The following CCDC3 variants were observed in gnomAD, a reference collection of about 807,000 sequenced individuals.
CCDC3 encodes coiled-coil domain containing 3.
In CCDC3, 24 loss-of-function variants were observed where a neutral mutation model predicts 21.4. That is an observed-to-expected ratio of 1.12 (90% CI 0.81 to 1.58). CCDC3 has a LOEUF of 1.58. Ranked by LOEUF, CCDC3 falls within the 40% of genes most tolerant of loss-of-function variation. The probability of loss-of-function intolerance (pLI) is 0.00; values close to 1 mark genes in which losing one functional copy is unlikely to be tolerated. For missense variants in CCDC3, 425 were observed against 360.9 expected (o/e 1.18, Z -1.44); for synonymous variants, 186 against 166.0 (o/e 1.12, Z -0.93).
chr10:13,073,667 T>C (rs1230987030), intron 4 of CCDC3, among the ~76,000 whole-genome samples: 2 of 152,086 alleles, frequency 1.3e-5, no homozygotes, highest in African/African-American at 4.8e-5. Context: ...GCTAATTTTT[T>C]GTAGAGACAG....
At chr10:12,921,707 G>A (rs1414596235) in intron 2 of CCDC3, among the ~76,000 whole-genome samples, 4 of 152,190 alleles carry the variant, frequency 2.6e-5, no homozygotes, top group Admixed American at 1.3e-4. Context: ...GTAGTTAACT[G>A]CATAGACCAT....
At chr10:12,924,085 CT>C (rs1356108728) in intron 2 of CCDC3, among the ~76,000 whole-genome samples, 1 of 152,240 alleles carries the variant, frequency 6.6e-6, no homozygotes, top group Non-Finnish European at 1.5e-5. Context: ...GCCTCAGTTT[CT>C]GCTTTAAGCA....
At chr10:13,090,040 T>G (rs1359515816) in intron 3 of CCDC3, among the ~76,000 whole-genome samples, 391 of 1,848 alleles carry the variant, frequency 0.21, 3 homozygotes, top group African/African-American at 0.23. Flanking sequence ...GTTAGATATA[T>G]ATATATATAT....
intron 2 of CCDC3, among the ~76,000 whole-genome samples, chr10:12,989,051 C>A (rs1835641673): frequency 6.6e-6 from 1 of 152,192 alleles, no homozygotes; most frequent in Non-Finnish European, 1.5e-5. Flanking sequence ...CAGATCGAGC[C>A]CCCTCAATCC....
At chr10:13,053,648 A>C (rs1400941070) in intron 4 of CCDC3, among the ~76,000 whole-genome samples, 1 of 152,206 alleles carries the variant, frequency 6.6e-6, no homozygotes, top group East Asian at 1.9e-4. Context: ...CAGTTCTTCA[A>C]GTGAGGAATG....
At position 13,044,743 on chromosome 10, in the gene CCDC3, T is replaced by G. The variant is rs186813250; in HGVS notation, c.-2+4931A>C. On this transcript the variant is annotated intron_variant, in intron 5 of 6. Transcript: ENST00000378839. ...ACCAGTACTATGCAGCTTTATATTA[T>G]AGTTTGAAGTCTAATAATGTGATGT... Among the ~76,000 whole-genome samples the G allele has an allele frequency of 1.4e-4, 21 of 152,332 alleles. No individual in the cohort carries two copies. In the South Asian group the frequency reaches 4.4e-3, roughly 32 times the overall value.
At chr10:13,099,385 CCTCTCTCCCTCTCTCCGTCCCTCCCT>C (rs1383296141) in intron 1 of CCDC3, 1 of 144,682 alleles carries the variant, frequency 6.9e-6, no homozygotes. Flanking sequence ...TCTCTCCCTC[CCTCTCTCCCTCTCTCCGTCCCTCCCT>C]CTCTCTCTCT....
intron 3 of CCDC3, among the ~76,000 whole-genome samples, chr10:13,076,518 G>A (rs1448951571): frequency 6.6e-6 from 1 of 152,218 alleles, no homozygotes; most frequent in East Asian, 1.9e-4. Context: ...TAAATCATAA[G>A]TGTTAGAAGT....
At chr10:13,087,689 A>G (rs1837128445) in intron 3 of CCDC3, among the ~76,000 whole-genome samples, 1 of 149,226 alleles carries the variant, frequency 6.7e-6, no homozygotes, top group Non-Finnish European at 1.5e-5. Context: ...GCTTATCCTT[A>G]GATACTTAGA....
intron 4 of CCDC3, among the ~76,000 whole-genome samples, chr10:13,056,685 G>T (rs1160369428): frequency 6.6e-6 from 1 of 152,174 alleles, no homozygotes. Context: ...GCAGGGAGGT[G>T]GACTGGGTTA....
chr10:13,002,830 C>T (rs1029463203), upstream of CCDC3, among the ~76,000 whole-genome samples: 14 of 152,192 alleles, frequency 9.2e-5, no homozygotes, highest in Non-Finnish European at 1.3e-4. Context: ...GGGTTGGTTA[C>T]TGGTGAGGCC....
At chr10:12,907,623 G>A (rs1163444998) in intron 2 of CCDC3, among the ~76,000 whole-genome samples, 2 of 152,126 alleles carry the variant, frequency 1.3e-5, no homozygotes, top group African/African-American at 4.8e-5. Flanking sequence ...CAGCCTGGGT[G>A]ACAGAGCAAG....
At chr10:13,072,892 A>T in intron 4 of CCDC3, among the ~76,000 whole-genome samples, 1 of 131,066 alleles carries the variant, frequency 7.6e-6, no homozygotes. Flanking sequence ...TTTGAGACAG[A>T]GTCTCACTCT....
chr10:12,957,034 G>T (rs1835100340), intron 2 of CCDC3, among the ~76,000 whole-genome samples: 1 of 152,184 alleles, frequency 6.6e-6, no homozygotes, highest in Non-Finnish European at 1.5e-5. Flanking sequence ...CAATTCAGGA[G>T]TGTCTTTTTC....
intron 2 of CCDC3, among the ~76,000 whole-genome samples, chr10:12,904,284 C>G (rs953760421): frequency 2.0e-5 from 3 of 151,788 alleles, no homozygotes; most frequent in African/African-American, 7.2e-5. Context: ...CTGGGAAACA[C>G]AGGGAGACCC....
intron 4 of CCDC3, among the ~76,000 whole-genome samples, chr10:13,071,031 T>C (rs1836875868): frequency 6.6e-6 from 1 of 152,118 alleles, no homozygotes; most frequent in South Asian, 2.1e-4. Flanking sequence ...GGATCAGTAT[T>C]CTCCTTCTGA....
rs543247170 is a variant in CCDC3, at chr10:12,903,822, T to C, written c.550-5143A>G. On this transcript the variant is annotated intron_variant, in intron 2 of 2. Transcript: ENST00000378825. The stretch of plus-strand genomic sequence containing the variant: ...TCCTTATCTGTCTAAAATAACACTT[T>C]TTAAAACCATCAAAGCACACTGATT... Among the ~76,000 whole-genome samples the C allele has an allele frequency of 4.0e-5, 6 of 151,100 alleles. No individual in the cohort carries two copies. In the East Asian group the frequency reaches 9.8e-4, roughly 25 times the overall value.
rs558556514 is a variant in CCDC3, at chr10:12,930,808, G to A, written c.550-32129C>T. On this transcript the variant is annotated intron_variant, in intron 2 of 2. Coordinates refer to ENST00000378825, the MANE Select transcript of CCDC3 (RefSeq NM_031455.4). ...ACCCACTCCCAAACATAACAGTGCC[G>A]AGGTCAAGAAGCCCCATTCTAGGGT... Among the ~76,000 whole-genome samples, 7 of 152,266 alleles carry A rather than the reference G, an allele frequency of 4.6e-5. No individual in the cohort carries two copies. In the South Asian group the frequency reaches 1.5e-3, roughly 32 times the overall value.
intron 5 of CCDC3, among the ~76,000 whole-genome samples, chr10:13,046,662 G>C (rs148421523): frequency 1.8e-3 from 266 of 150,832 alleles, no homozygotes; most frequent in Middle Eastern, 6.8e-3. Context: ...AGCTGAGACC[G>C]GGCCATTGCA....
Sources: allele counts gnomAD v4.1 joint callset (sites outside exome capture counted in the v4.1 genomes callset), GRCh38; gene constraint gnomAD v4.1.1; transcripts MANE v1.5; gene names NCBI Gene and HGNC (gene_info 2026-07-23, HGNC 2026-07-21).